TENM2: variants seen among roughly 807,000 people sequenced by gnomAD.
TENM2 encodes teneurin-2.
Under a neutral mutation model 245.2 loss-of-function variants are expected in TENM2, and 52 were observed. The ratio of observed to expected loss-of-function variants is 0.21; its 90% CI spans 0.17 to 0.27. TENM2 has a LOEUF of 0.27. Ranked by LOEUF, TENM2 falls within the 10% of genes least tolerant of loss-of-function variation. The pLI, the probability that TENM2 is intolerant of heterozygous loss-of-function variation, is 1.00. For missense variants in TENM2, 3,046 were observed against 3,666.8 expected (o/e 0.83, Z 4.37); for synonymous variants, 1,363 against 1,438.9 (o/e 0.95, Z 1.19).
intron 7 of TENM2, among the ~76,000 whole-genome samples, chr5:168,071,725 G>A (rs562723447): frequency 2.6e-5 from 4 of 152,010 alleles, no homozygotes; most frequent in Non-Finnish European, 5.9e-5. Flanking sequence ...TCCTTGTGAT[G>A]AATTCTTGGA....
the TENM2 span, among the ~76,000 whole-genome samples, chr5:167,034,490 C>T: frequency 8.6e-5 from 13 of 151,794 alleles, no homozygotes; most frequent in African/African-American, 2.2e-4. Flanking sequence ...ATTAGCCGGG[C>T]GTGGTGGCGG....
intron 2 of TENM2, among the ~76,000 whole-genome samples, chr5:167,699,563 G>A (rs1758007609): frequency 6.6e-6 from 1 of 152,200 alleles, no homozygotes; most frequent in African/African-American, 2.4e-5. Context: ...AGTATGCTGA[G>A]CATGTCTCTG....
intron 1 of TENM2, among the ~76,000 whole-genome samples, chr5:167,314,663 C>T (rs1043234369): frequency 1.3e-5 from 2 of 151,956 alleles, no homozygotes; most frequent in Admixed American, 6.6e-5. Context: ...TACAATTTCA[C>T]AGAGTTGATG....
At chr5:168,114,493 A>C (rs2152324162) in intron 9 of TENM2, among the ~76,000 whole-genome samples, 1 of 152,326 alleles carries the variant, frequency 6.6e-6, no homozygotes, top group African/African-American at 2.4e-5. Flanking sequence ...CTTGAACAAA[A>C]CATCAGCCTG....
chr5:167,222,952 G>A, the TENM2 span, among the ~76,000 whole-genome samples: 1 of 152,048 alleles, frequency 6.6e-6, no homozygotes, highest in African/African-American at 2.4e-5. Flanking sequence ...AAGTACATGT[G>A]AATTTTAGAA....
chr5:167,235,038 A>G, the TENM2 span, among the ~76,000 whole-genome samples: 1 of 152,178 alleles, frequency 6.6e-6, no homozygotes, highest in East Asian at 1.9e-4. Context: ...GTGGCTTAAA[A>G]ACAGTAGGAA....
At chr5:167,084,334 T>TAC in the TENM2 span, among the ~76,000 whole-genome samples, 1 of 71,308 alleles carries the variant, frequency 1.4e-5, no homozygotes, top group Admixed American at 1.4e-4. Flanking sequence ...TAGTTATATA[T>TAC]ATATATATAT....
At chr5:168,069,310 C>T (rs1474729898) in intron 7 of TENM2, among the ~76,000 whole-genome samples, 1 of 152,184 alleles carries the variant, frequency 6.6e-6, no homozygotes, top group East Asian at 1.9e-4. Flanking sequence ...AATGTATGCT[C>T]AGAGATGTTA....
intron 2 of TENM2, among the ~76,000 whole-genome samples, chr5:167,783,414 T>C (rs2973663): frequency 0.98 from 148,734 of 152,142 alleles, 72,786 homozygotes; most frequent in East Asian, 1. Flanking sequence ...GCGGCAGAGC[T>C]CACCATTGGG....
At chr5:168,035,266 G>A (rs991072830) in intron 5 of TENM2, among the ~76,000 whole-genome samples, 4 of 152,188 alleles carry the variant, frequency 2.6e-5, no homozygotes, top group Non-Finnish European at 5.9e-5. Context: ...CCAGTACTGT[G>A]GGAGCAGATG....
At chr5:167,445,332 T>TAGGGAGAGAGAGAGAGAGAGAGAG (rs71591182) in intron 2 of TENM2, among the ~76,000 whole-genome samples, 36 of 77,044 alleles carry the variant, frequency 4.7e-4, no homozygotes, top group African/African-American at 8.7e-4. Flanking sequence ...TATATATATA[T>TAGGGAGAGAGAGAGAGAGAGAGAG]ATATAGAGAG....
the TENM2 span, among the ~76,000 whole-genome samples, chr5:167,083,408 T>G: frequency 6.6e-6 from 1 of 152,300 alleles, no homozygotes; most frequent in East Asian, 1.9e-4. Context: ...AGGTGATCAA[T>G]AAATAGTTTT....
the TENM2 span, among the ~76,000 whole-genome samples, chr5:167,070,242 C>T: frequency 2.0e-5 from 3 of 150,166 alleles, no homozygotes; most frequent in Non-Finnish European, 4.4e-5. Flanking sequence ...CTCAGCCTCC[C>T]GAGTAGCTGG....
chr5:167,821,720 C>T (rs1767543308), intron 2 of TENM2, among the ~76,000 whole-genome samples: 1 of 151,982 alleles, frequency 6.6e-6, no homozygotes. Context: ...TGATGTATTG[C>T]TATAAATGTA....
chr5:167,587,784 T>G (rs1561577612), intron 2 of TENM2, among the ~76,000 whole-genome samples: 1 of 152,242 alleles, frequency 6.6e-6, no homozygotes, highest in Non-Finnish European at 1.5e-5. Context: ...CTTCTCAGTA[T>G]GTCAAAACAA....
chr5:167,698,140 A>G (rs2150427666), intron 2 of TENM2, among the ~76,000 whole-genome samples: 1 of 152,258 alleles, frequency 6.6e-6, no homozygotes, highest in East Asian at 1.9e-4. Context: ...TACCCTTAAC[A>G]GGCAGCCTCT....
chr5:167,423,174 G>A (rs1184982132), intron 2 of TENM2, among the ~76,000 whole-genome samples: 1 of 151,930 alleles, frequency 6.6e-6, no homozygotes, highest in African/African-American at 2.4e-5. Flanking sequence ...TGATTTAGAG[G>A]TGTTCCTAAG....
At chr5:167,815,218 G>A (rs1446269050) in intron 2 of TENM2, among the ~76,000 whole-genome samples, 1 of 152,112 alleles carries the variant, frequency 6.6e-6, no homozygotes, top group Non-Finnish European at 1.5e-5. Flanking sequence ...AGGCCATTCA[G>A]GAGATGTGCC....
rs35451881 is a variant in TENM2, at chr5:167,342,507, C to CTTTTTTTTTT, written c.227-32669_227-32660dup. Among the ~76,000 whole-genome samples, 26 of 54,290 alleles carry CTTTTTTTTTT rather than the reference C, an allele frequency of 4.8e-4. 1 individual carries two copies. The highest frequency in any genetic ancestry group is 6.4e-4 in the African/African-American group (8 of 12,438). 35.6% of individuals were successfully genotyped at this position (54,290 alleles called of 152,430 possible). A position where few individuals can be genotyped will look rare whatever the true frequency, so the allele number is the denominator to read the frequency against. On this transcript the variant is annotated intron_variant, in intron 1 of 28. Transcript: ENST00000518659. ...CAGGTTTCTCAACTGTAAAGTTATT[C>CTTTTTTTTTT]TTTTTTTTTTTTTTTTTTTTTTTTT...
Sources: allele counts gnomAD v4.1 joint callset (sites outside exome capture counted in the v4.1 genomes callset), GRCh38; gene constraint gnomAD v4.1.1; transcripts MANE v1.5; gene names NCBI Gene and HGNC (gene_info 2026-07-23, HGNC 2026-07-21).